The following CDH13 variants were observed in gnomAD, a reference collection of about 807,000 sequenced individuals.
CDH13 encodes the protein cadherin-13.
CDH13 carries 24 observed loss-of-function variants against 63.8 expected under a neutral mutation model. The ratio of observed to expected loss-of-function variants is 0.38; its 90% CI spans 0.27 to 0.53. The LOEUF (loss-of-function observed/expected upper bound fraction) is 0.53, where lower values mean the gene tolerates loss of function less well. Among genes scored for constraint, CDH13 ranks in the 20% least tolerant of loss-of-function variants. CDH13 has a pLI of 0.85. For synonymous variants in CDH13, 503 were observed against 355.3 expected (o/e 1.42, Z -4.67); for missense variants, 1,049 against 903.1 (o/e 1.16, Z -2.07).
At chr16:83,147,172 A>T (rs976992259) in intron 4 of CDH13, among the ~76,000 whole-genome samples, 1 of 152,208 alleles carries the variant, frequency 6.6e-6, no homozygotes, top group Non-Finnish European at 1.5e-5. Flanking sequence ...GAAGAGGTCA[A>T]ATCCACAGAA....
intron 2 of CDH13, among the ~76,000 whole-genome samples, chr16:82,958,827 G>T (rs1906516052): frequency 6.6e-6 from 1 of 152,254 alleles, no homozygotes; most frequent in Non-Finnish European, 1.5e-5. Flanking sequence ...CTGCCCAAAG[G>T]CCTTCAAGTG....
intron 6 of CDH13, among the ~76,000 whole-genome samples, chr16:83,402,563 A>C (rs1361150396): frequency 1.3e-5 from 2 of 152,184 alleles, no homozygotes; most frequent in Non-Finnish European, 2.9e-5. Flanking sequence ...TCCTCAAAGG[A>C]TAGTCAGTTT....
chr16:82,632,311 G>A (rs1908110107), intron 1 of CDH13, among the ~76,000 whole-genome samples: 1 of 152,180 alleles, frequency 6.6e-6, no homozygotes, highest in Admixed American at 6.5e-5. Context: ...TCTCAGTGAT[G>A]GACTATTTGG....
intron 6 of CDH13, among the ~76,000 whole-genome samples, chr16:83,412,177 A>G (rs907273438): frequency 6.6e-6 from 1 of 152,204 alleles, no homozygotes; most frequent in Non-Finnish European, 1.5e-5. Flanking sequence ...ATGTGTCTAC[A>G]AAGGCCAGGC....
At chr16:83,088,225 G>C (rs1392171647) in intron 3 of CDH13, among the ~76,000 whole-genome samples, 1 of 152,148 alleles carries the variant, frequency 6.6e-6, no homozygotes, top group Non-Finnish European at 1.5e-5. Context: ...ATTCAACTCT[G>C]ACATGTTATT....
At chr16:82,986,576 C>T (rs968796233) in intron 2 of CDH13, among the ~76,000 whole-genome samples, 1 of 152,194 alleles carries the variant, frequency 6.6e-6, no homozygotes, top group Non-Finnish European at 1.5e-5. Flanking sequence ...TGGGCCTCTG[C>T]TGGATTTAAC....
At chr16:83,741,440 TC>T (rs1912049935) in intron 10 of CDH13, among the ~76,000 whole-genome samples, 1 of 152,106 alleles carries the variant, frequency 6.6e-6, no homozygotes, top group Non-Finnish European at 1.5e-5. Flanking sequence ...GTTTTTATTT[TC>T]TACGTTTCTC....
At chr16:83,344,214 C>G (rs1473418678) in intron 5 of CDH13, among the ~76,000 whole-genome samples, 1 of 152,218 alleles carries the variant, frequency 6.6e-6, no homozygotes, top group Non-Finnish European at 1.5e-5. Context: ...TTCTTCGTTT[C>G]CAAGACAAAC....
At chr16:83,235,869 C>G (rs560044298) in intron 5 of CDH13, among the ~76,000 whole-genome samples, 3 of 152,018 alleles carry the variant, frequency 2.0e-5, no homozygotes, top group Non-Finnish European at 1.5e-5. Flanking sequence ...TCACTGCATT[C>G]GAGGTCCTTA....
intron 7 of CDH13, among the ~76,000 whole-genome samples, chr16:83,505,834 GA>G (rs2074383200): frequency 2.6e-5 from 4 of 152,228 alleles, no homozygotes; most frequent in Admixed American, 2.0e-4. Flanking sequence ...AGAGATCCAG[GA>G]AGCAGATTGT....
At chr16:83,537,238 GAT>G (rs1433129340) in intron 7 of CDH13, among the ~76,000 whole-genome samples, 2 of 152,198 alleles carry the variant, frequency 1.3e-5, no homozygotes, top group Admixed American at 1.3e-4. Flanking sequence ...TGAGCAAGTA[GAT>G]AAAACCAAAG....
chr16:83,670,992 C>A lies in CDH13; in HGVS notation c.1284+20C>A. On this transcript the variant is annotated intron_variant, in intron 9 of 13. Coordinates refer to ENST00000567109, the MANE Select transcript of CDH13 (RefSeq NM_001257.5). The stretch of plus-strand genomic sequence containing the variant: ...GTCAAAGTAAGGGTGCTTCCAATTG[C>A]CTCTTTCTCCTCATGCGAGCACGGA... 1.3e-6 allele frequency: 2 copies of A among 1,560,724 alleles called. No individual in the cohort carries two copies. The highest frequency in any genetic ancestry group is 2.7e-5 in the African/African-American group (2 of 73,612).
chr16:82,685,778 A>G (rs889465274), intron 1 of CDH13, among the ~76,000 whole-genome samples: 7 of 152,192 alleles, frequency 4.6e-5, no homozygotes, highest in Non-Finnish European at 1.0e-4. Flanking sequence ...CCTGTGTCCC[A>G]GGGAGAGGTT....
At chr16:83,319,730 A>G (rs2090181074) in intron 5 of CDH13, among the ~76,000 whole-genome samples, 1 of 152,216 alleles carries the variant, frequency 6.6e-6, no homozygotes, top group Non-Finnish European at 1.5e-5. Context: ...ATGCTGGGTG[A>G]GGAAGACAGG....
At chr16:82,914,516 A>G (rs1487724612) in intron 2 of CDH13, among the ~76,000 whole-genome samples, 1 of 152,194 alleles carries the variant, frequency 6.6e-6, no homozygotes, top group Non-Finnish European at 1.5e-5. Flanking sequence ...ACCATCTTCT[A>G]ACCCTCTAAG....
At chr16:82,963,384 A>G (rs942714080) in intron 2 of CDH13, among the ~76,000 whole-genome samples, 2 of 152,166 alleles carry the variant, frequency 1.3e-5, no homozygotes, top group Admixed American at 1.3e-4. Context: ...TGTCTCAAAG[A>G]AAAGAAAAGA....
At chr16:83,508,547 C>T (rs759494487) in intron 7 of CDH13, 2 of 152,558 alleles carry the variant, frequency 1.3e-5, no homozygotes, top group Non-Finnish European at 2.9e-5. Flanking sequence ...AGGGAACAGC[C>T]ATCAGCCTTT....
chr16:83,326,803 C>G (rs927203760), intron 5 of CDH13, among the ~76,000 whole-genome samples: 7 of 152,178 alleles, frequency 4.6e-5, no homozygotes, highest in Non-Finnish European at 7.3e-5. Flanking sequence ...TCTAGAGGTC[C>G]TATAACAAAG....
At chr16:83,083,102 T>C (rs1597299061) in intron 3 of CDH13, among the ~76,000 whole-genome samples, 1 of 152,332 alleles carries the variant, frequency 6.6e-6, no homozygotes. Context: ...TCTAAATATC[T>C]TCACTAAATG....
Sources: allele counts gnomAD v4.1 joint callset (sites outside exome capture counted in the v4.1 genomes callset), GRCh38; gene constraint gnomAD v4.1.1; transcripts MANE v1.5; gene names NCBI Gene and HGNC (gene_info 2026-07-23, HGNC 2026-07-21).